The following UTP20 variants were observed in gnomAD, a reference collection of about 807,000 sequenced individuals.
UTP20 encodes UTP20 small subunit processome component, also known as small subunit processome component 20 homolog.
UTP20 carries 164 observed loss-of-function variants against 329.5 expected under a neutral mutation model. The observed-to-expected ratio is 0.50, with a 90% CI of 0.44 to 0.57. UTP20 has a LOEUF of 0.57. Ranked by LOEUF, UTP20 falls within the 20% of genes least tolerant of loss-of-function variation. The pLI is 0.00. For synonymous variants in UTP20, 1,151 were observed against 1,159.3 expected, an observed-to-expected ratio of 0.99 and a Z score of 0.14; for missense variants, 3,055 against 3,284.2, an observed-to-expected ratio of 0.93 and a Z score of 1.71.
At chr12:101,374,098 A>G (rs1052358250) in intron 54 of UTP20, among the ~76,000 whole-genome samples, 39 of 150,482 alleles carry the variant, frequency 2.6e-4, no homozygotes, top group East Asian at 2.4e-3. Context: ...AGCCGGGCGT[A>G]GTGGCGGGCG....
In UTP20 at chr12:101,385,563, T is replaced by G. The variant is rs370852718; in HGVS notation, c.8057-20T>G. 1.5e-5 allele frequency: 24 copies of G among 1,603,080 alleles called. No homozygotes were observed. The highest frequency in any genetic ancestry group is 2.0e-5 in the Non-Finnish European group (23 of 1,177,456). On this transcript the variant is annotated intron_variant, in intron 60 of 61. Transcript: ENST00000261637. ...TCCTTTCCTACCTGTCTCTGATCAT[T>G]ACTCTTTGTGTGTGATTAGATCCTT...
At chr12:101,343,374 G>A (rs1260829069) in intron 35 of UTP20, among the ~76,000 whole-genome samples, 1 of 152,158 alleles carries the variant, frequency 6.6e-6, no homozygotes, top group African/African-American at 2.4e-5. Context: ...AGTACATTAG[G>A]TCACTAAAGG....
At chr12:101,310,438 G>A (rs1322554056) in intron 19 of UTP20, among the ~76,000 whole-genome samples, 2 of 151,868 alleles carry the variant, frequency 1.3e-5, no homozygotes, top group African/African-American at 4.8e-5. Flanking sequence ...AGCCAGTCAT[G>A]GTGGCACATT....
chr12:101,334,150 G>T (rs1868855722), intron 28 of UTP20, among the ~76,000 whole-genome samples: 1 of 152,176 alleles, frequency 6.6e-6, no homozygotes, highest in Non-Finnish European at 1.5e-5. Flanking sequence ...ATGTTTCTAG[G>T]TGTTTGAGGT....
chr12:101,328,786 G>A (rs987659536), intron 26 of UTP20, among the ~76,000 whole-genome samples: 2 of 151,428 alleles, frequency 1.3e-5, no homozygotes, highest in African/African-American at 2.4e-5. Flanking sequence ...GGAGAACCGC[G>A]TGGACCCGGG....
chr12:101,337,958 T>C, intron 29 of UTP20, 93 bp from the exon 30 acceptor site: 1 of 1,122,256 alleles, frequency 8.9e-7, no homozygotes. Flanking sequence ...ATGTTGAATA[T>C]TTGTTAAACT....
intron 60 of UTP20, among the ~76,000 whole-genome samples, chr12:101,383,914 T>C (rs1256191595): frequency 2.0e-5 from 3 of 151,570 alleles, no homozygotes; most frequent in Admixed American, 2.0e-4. Context: ...GCCAGGCTGG[T>C]CTTGGTCTCA....
At chr12:101,332,559 C>T (rs941702250) in intron 27 of UTP20, among the ~76,000 whole-genome samples, 1 of 152,128 alleles carries the variant, frequency 6.6e-6, no homozygotes, top group Non-Finnish European at 1.5e-5. Flanking sequence ...GAAGGAGATG[C>T]CAGTGGAAGT....
At chr12:101,377,475 C>T (rs1428867861) in intron 56 of UTP20, among the ~76,000 whole-genome samples, 1 of 152,016 alleles carries the variant, frequency 6.6e-6, no homozygotes, top group African/African-American at 2.4e-5. Context: ...GGACTACAGG[C>T]GTGTGCCACC....
At chr12:101,351,966 A>C (rs1211555578) in intron 38 of UTP20, 89 bp from the exon 39 acceptor site, 1 of 1,471,342 alleles carries the variant, frequency 6.8e-7, no homozygotes, top group Non-Finnish European at 9.3e-7. Context: ...ATTACTGAGA[A>C]CTTACTAACT....
intron 30 of UTP20, 48 bp downstream of exon 30, chr12:101,338,325 ATTG>A: frequency 6.3e-7 from 1 of 1,583,898 alleles, no homozygotes; most frequent in Non-Finnish European, 8.7e-7. Flanking sequence ...TGCTGTAGCA[ATTG>A]TTTCCTTAGA....
rs779534293 is a variant in UTP20, at chr12:101,308,358, C to T, written c.2154+15C>T. On this transcript the variant is annotated intron_variant, in intron 18 of 61. Transcript: ENST00000261637. ...CGTTACAGGAGGTAAAAATAGTGTT[C>T]TTTTATTTTTCCTTTTTAATTCATG... The T allele has an allele frequency of 1.4e-6, 2 of 1,418,374 alleles. No individual in the cohort carries two copies. Among genetic ancestry groups the T allele is most frequent in the Admixed American group, 4.8e-5 (2 of 41,974 alleles). The allele number at this position is 1,418,374 out of a possible 1,614,324, so 87.9% of individuals were successfully genotyped here.
chr12:101,384,494 T>C (rs1870762847), intron 60 of UTP20, among the ~76,000 whole-genome samples: 1 of 152,218 alleles, frequency 6.6e-6, no homozygotes, highest in Non-Finnish European at 1.5e-5. Flanking sequence ...TGAGCCGTGA[T>C]TGCACCACTG....
chr12:101,372,427 C>T (rs1870324082), intron 51 of UTP20, among the ~76,000 whole-genome samples: 1 of 152,238 alleles, frequency 6.6e-6, no homozygotes, highest in Non-Finnish European at 1.5e-5. Context: ...CTGAGAAACA[C>T]TTAACGCAGT....
intron 21 of UTP20, among the ~76,000 whole-genome samples, chr12:101,315,252 G>A (rs1197764701): frequency 6.6e-6 from 1 of 152,042 alleles, no homozygotes; most frequent in African/African-American, 2.4e-5. Context: ...TTGGGGGGCC[G>A]AGGTGGGCAG....
intron 28 of UTP20, among the ~76,000 whole-genome samples, chr12:101,334,110 T>C (rs943744174): frequency 1.3e-5 from 2 of 152,254 alleles, no homozygotes; most frequent in Non-Finnish European, 2.9e-5. Flanking sequence ...GGTATAGGTA[T>C]AGACTGAAGG....
intron 46 of UTP20, 40 bp downstream of exon 46, chr12:101,365,665 C>A (rs61183264): frequency 0.047 from 69,585 of 1,482,674 alleles, 1,881 homozygotes; most frequent in South Asian, 0.067. Flanking sequence ...TAGGTCTCTG[C>A]GTCTGATAAG....
At chr12:101,312,788 G>A (rs1872836785) in intron 21 of UTP20, among the ~76,000 whole-genome samples, 1 of 152,180 alleles carries the variant, frequency 6.6e-6, no homozygotes, top group South Asian at 2.1e-4. Context: ...CATTGGCACA[G>A]CTACAAAGCA....
intron 12 of UTP20, among the ~76,000 whole-genome samples, chr12:101,296,501 G>T (rs11110738): frequency 0.12 from 17,966 of 151,146 alleles, 1,145 homozygotes; most frequent in Middle Eastern, 0.22. Flanking sequence ...AACCCGGGAG[G>T]TGGAGCTTGC....
Sources: gnomAD v4.1 joint callset for allele counts (sites outside exome capture counted in the v4.1 genomes callset) on GRCh38, gnomAD v4.1.1 for gene constraint, MANE v1.5 for transcripts, NCBI Gene and HGNC (gene_info 2026-07-23, HGNC 2026-07-21) for gene names.